SLC14A2: variants seen among roughly 807,000 people sequenced by gnomAD.
SLC14A2 encodes solute carrier family 14 member 2.
In SLC14A2, 91 loss-of-function variants were observed where a neutral mutation model predicts 104.6. The ratio of observed to expected loss-of-function variants is 0.87; its 90% CI spans 0.73 to 1.04. The LOEUF (loss-of-function observed/expected upper bound fraction) is 1.04, where lower values mean the gene tolerates loss of function less well. Ranked by LOEUF, SLC14A2 falls within the 50% of genes least tolerant of loss-of-function variation. SLC14A2 has a pLI of 0.00. For synonymous variants in SLC14A2, 476 were observed against 466.4 expected (o/e 1.02, Z -0.27); for missense variants, 1,189 against 1,156.0 (o/e 1.03, Z -0.41).
chr18:45,488,603 G>A (rs937222982), intron 2 of SLC14A2, among the ~76,000 whole-genome samples: 3 of 152,188 alleles, frequency 2.0e-5, no homozygotes, highest in African/African-American at 7.2e-5. Flanking sequence ...TGGGTCATCT[G>A]GCCCATGAAT....
chr18:45,388,930 T>C (rs2085931068), intron 1 of SLC14A2, among the ~76,000 whole-genome samples: 1 of 152,204 alleles, frequency 6.6e-6, no homozygotes. Flanking sequence ...GTGAAGATTT[T>C]AAAATATTGA....
At chr18:45,431,253 T>A (rs1279258303) in intron 1 of SLC14A2, among the ~76,000 whole-genome samples, 1 of 152,158 alleles carries the variant, frequency 6.6e-6, no homozygotes, top group African/African-American at 2.4e-5. Flanking sequence ...TAAGATGTTA[T>A]ATTTTAAAAA....
intron 1 of SLC14A2, among the ~76,000 whole-genome samples, chr18:45,477,476 G>A (rs978551612): frequency 1.3e-5 from 2 of 152,212 alleles, no homozygotes; most frequent in South Asian, 2.1e-4. Flanking sequence ...ACCCACTTTA[G>A]GAGGCAGTCT....
intron 2 of SLC14A2, among the ~76,000 whole-genome samples, chr18:45,506,281 A>C (rs2043283533): frequency 6.6e-6 from 1 of 151,882 alleles, no homozygotes; most frequent in African/African-American, 2.4e-5. Context: ...CTCCCCATCA[A>C]ACCCAACCAC....
chr18:45,412,248 AT>A (rs1484294842), intron 1 of SLC14A2, among the ~76,000 whole-genome samples: 1 of 151,944 alleles, frequency 6.6e-6, no homozygotes, highest in Non-Finnish European at 1.5e-5. Context: ...TATTGTGGGG[AT>A]TTTTTTCCAC....
At chr18:45,204,247 G>T in the SLC14A2 span, among the ~76,000 whole-genome samples, 1 of 152,328 alleles carries the variant, frequency 6.6e-6, no homozygotes, top group South Asian at 2.1e-4. Flanking sequence ...CCCGTCAGGA[G>T]AACAAGAGGA....
intron 2 of SLC14A2, among the ~76,000 whole-genome samples, chr18:45,512,458 T>C (rs1378828938): frequency 6.6e-6 from 1 of 152,126 alleles, no homozygotes. Context: ...GGAGTACAGT[T>C]TAAAAGAGAG....
At chr18:45,632,227 C>T in intron 4 of SLC14A2, 123 bp from the exon 5 acceptor site, 2 of 1,321,568 alleles carry the variant, frequency 1.5e-6, no homozygotes, top group Non-Finnish European at 1.0e-6. Flanking sequence ...AGCGAACTGA[C>T]TTTTTTCTAA....
At chr18:45,516,203 T>C (rs897978612) in intron 2 of SLC14A2, among the ~76,000 whole-genome samples, 3 of 152,182 alleles carry the variant, frequency 2.0e-5, no homozygotes, top group Non-Finnish European at 4.4e-5. Flanking sequence ...ATTTCCTTTC[T>C]CTCCCCCCTC....
chr18:45,659,251 C>T (rs943453874), intron 10 of SLC14A2, among the ~76,000 whole-genome samples: 1 of 152,238 alleles, frequency 6.6e-6, no homozygotes, highest in African/African-American at 2.4e-5. Flanking sequence ...TAAACATCAT[C>T]TGTTTACTGC....
chr18:45,289,422 T>C (rs765305671), intron 1 of SLC14A2, among the ~76,000 whole-genome samples: 3 of 152,048 alleles, frequency 2.0e-5, no homozygotes, highest in Non-Finnish European at 1.5e-5. Context: ...TAATTAAATC[T>C]TCTGGGGATT....
At chr18:45,320,628 G>T (rs1386823501) in intron 1 of SLC14A2, among the ~76,000 whole-genome samples, 1 of 152,212 alleles carries the variant, frequency 6.6e-6, no homozygotes, top group Non-Finnish European at 1.5e-5. Context: ...TGGTGAGAGT[G>T]TCAAGTCTGA....
chr18:45,547,601 T>C (rs2043991280), intron 2 of SLC14A2, among the ~76,000 whole-genome samples: 1 of 152,192 alleles, frequency 6.6e-6, no homozygotes, highest in Admixed American at 6.5e-5. Context: ...GGCCAGCCCC[T>C]TGTGGGCCTT....
At chr18:45,443,512 C>T (rs758560436) in intron 1 of SLC14A2, among the ~76,000 whole-genome samples, 2 of 151,222 alleles carry the variant, frequency 1.3e-5, no homozygotes, top group African/African-American at 4.9e-5. Flanking sequence ...TTATGACCTA[C>T]AGTCAAAGAA....
chr18:45,575,786 GTTC>G (rs757886276), intron 2 of SLC14A2, among the ~76,000 whole-genome samples: 5 of 141,494 alleles, frequency 3.5e-5, no homozygotes, highest in Non-Finnish European at 6.4e-5. Context: ...AGTTTGTCTT[GTTC>G]TTTTTTTTTT....
intron 2 of SLC14A2, among the ~76,000 whole-genome samples, chr18:45,503,952 A>T (rs2043242468): frequency 6.6e-6 from 1 of 152,194 alleles, no homozygotes; most frequent in Non-Finnish European, 1.5e-5. Flanking sequence ...CCCCTTCCAG[A>T]ACCATCGCTT....
chr18:45,572,595 T>C (rs1398304792), intron 2 of SLC14A2, among the ~76,000 whole-genome samples: 1 of 152,202 alleles, frequency 6.6e-6, no homozygotes, highest in Non-Finnish European at 1.5e-5. Flanking sequence ...TCACTATTCA[T>C]CTATCTGTAA....
chr18:45,247,717 T>C (rs1194703898), intron 1 of SLC14A2, among the ~76,000 whole-genome samples: 2 of 150,308 alleles, frequency 1.3e-5, no homozygotes, highest in Non-Finnish European at 3.0e-5. Flanking sequence ...TTTTTTTTTT[T>C]CATATTAACA....
intron 1 of SLC14A2, among the ~76,000 whole-genome samples, chr18:45,329,084 G>T (rs2085264728): frequency 6.6e-6 from 1 of 152,196 alleles, no homozygotes; most frequent in Admixed American, 6.5e-5. Context: ...AAGAAAAAAA[G>T]GAGACAAGTG....
Sources: gnomAD v4.1 joint callset for allele counts (sites outside exome capture counted in the v4.1 genomes callset) on GRCh38, gnomAD v4.1.1 for gene constraint, MANE v1.5 for transcripts, NCBI Gene and HGNC (gene_info 2026-07-23, HGNC 2026-07-21) for gene names.